TRIM9: variants seen among roughly 807,000 people sequenced by gnomAD.
TRIM9 encodes the protein tripartite motif containing 9, also known as E3 ubiquitin-protein ligase TRIM9.
Under a neutral mutation model 78.3 loss-of-function variants are expected in TRIM9, and 26 were observed. That is an observed-to-expected ratio of 0.33 (90% CI 0.24 to 0.46). The LOEUF is 0.46. TRIM9 is among the 20% of genes least tolerant of loss of function. The pLI, the probability that TRIM9 is intolerant of heterozygous loss-of-function variation, is 1.00. For missense variants in TRIM9, 787 were observed against 1,036.4 expected, an observed-to-expected ratio of 0.76 and a Z score of 3.30; for synonymous variants, 398 against 416.5, an observed-to-expected ratio of 0.96 and a Z score of 0.54.
intron 1 of TRIM9, among the ~76,000 whole-genome samples, chr14:51,072,048 C>G (rs1052447247): frequency 6.6e-6 from 1 of 152,130 alleles, no homozygotes; most frequent in Non-Finnish European, 1.5e-5. Flanking sequence ...CCTTCCTTCC[C>G]GGTGTTCTCT....
intron 1 of TRIM9, among the ~76,000 whole-genome samples, chr14:51,025,719 T>C (rs2058160427): frequency 6.6e-6 from 1 of 151,724 alleles, no homozygotes; most frequent in Non-Finnish European, 1.5e-5. Flanking sequence ...ATGATCTAAT[T>C]CTTATCAACG....
chr14:51,078,685 G>A (rs781199778), intron 1 of TRIM9, among the ~76,000 whole-genome samples: 8 of 152,114 alleles, frequency 5.3e-5, no homozygotes, highest in South Asian at 4.1e-4. Context: ...TATTACTTAC[G>A]TGGAATCTAA....
intron 1 of TRIM9, among the ~76,000 whole-genome samples, chr14:51,071,478 A>G (rs1414541876): frequency 6.6e-6 from 1 of 151,986 alleles, no homozygotes; most frequent in Non-Finnish European, 1.5e-5. Context: ...ATACCTGGGT[A>G]CCAGTTGCTC....
chr14:51,028,152 A>C (rs1449912807), intron 1 of TRIM9, among the ~76,000 whole-genome samples: 2 of 152,228 alleles, frequency 1.3e-5, no homozygotes, highest in Non-Finnish European at 2.9e-5. Flanking sequence ...CAAAGCAGTA[A>C]GTGAACTGCA....
chr14:51,071,255 A>G (rs1202949439), intron 1 of TRIM9, among the ~76,000 whole-genome samples: 1 of 151,894 alleles, frequency 6.6e-6, no homozygotes, highest in Non-Finnish European at 1.5e-5. Context: ...ACATGCCTGT[A>G]ATCCCAGCTA....
In TRIM9 at chr14:51,039,573, A is replaced by G. The variant is rs937343842; in HGVS notation, c.823-14213T>C. 2.6e-5 allele frequency among the ~76,000 whole-genome samples: 4 copies of G among 152,310 alleles called. No homozygotes were observed. In the South Asian group the frequency reaches 8.3e-4, roughly 32 times the overall value. On this transcript the variant is annotated intron_variant, in intron 1 of 12. Coordinates refer to ENST00000684578, the MANE Select transcript of TRIM9 (RefSeq NM_001387360.1). ...CTGTATTTAAATGAAGTTCAAGAAC[A>G]GTTTGATGGCGATGGAAGGAGGCAC...
intron 3 of TRIM9, among the ~76,000 whole-genome samples, chr14:51,012,381 T>G (rs2056684244): frequency 6.6e-6 from 1 of 152,254 alleles, no homozygotes; most frequent in Admixed American, 6.5e-5. Context: ...TCTTTGAGAT[T>G]CAACCATGTT....
At chr14:51,048,186 C>G (rs2060102354) in intron 1 of TRIM9, among the ~76,000 whole-genome samples, 1 of 152,190 alleles carries the variant, frequency 6.6e-6, no homozygotes, top group Non-Finnish European at 1.5e-5. Flanking sequence ...CAGGGTTAAA[C>G]AGTTTCCTAA....
At position 51,092,154 on chromosome 14, in the gene TRIM9, A is replaced by C. The variant is rs2140383858; in HGVS notation, c.822+1964T>G. ...AGTGAAATCAAAATATGAATAAAAA[A>C]CTAGCTGTGAACTCAAGTTTTGAAA... On this transcript the variant is annotated intron_variant, in intron 1 of 12. Coordinates refer to ENST00000684578, the MANE Select transcript of TRIM9 (RefSeq NM_001387360.1). Among the ~76,000 whole-genome samples the C allele has an allele frequency of 2.6e-5, 4 of 152,316 alleles. No individual in the cohort carries two copies. The Middle Eastern group carries it at 0.014, about 522-fold the overall frequency.
At chr14:51,054,701 G>A (rs917562659) in intron 1 of TRIM9, among the ~76,000 whole-genome samples, 3 of 152,196 alleles carry the variant, frequency 2.0e-5, no homozygotes, top group Non-Finnish European at 4.4e-5. Flanking sequence ...AGCCTCCGGA[G>A]TAGCTGGGAC....
chr14:51,002,054 A>G (rs1435494940), intron 5 of TRIM9, among the ~76,000 whole-genome samples: 1 of 152,176 alleles, frequency 6.6e-6, no homozygotes, highest in Non-Finnish European at 1.5e-5. Flanking sequence ...TTACTGAATA[A>G]TCCCAGTTCT....
chr14:51,062,737 G>T (rs1205745515), intron 1 of TRIM9, among the ~76,000 whole-genome samples: 8 of 152,190 alleles, frequency 5.3e-5, no homozygotes, highest in Non-Finnish European at 7.4e-5. Flanking sequence ...CACCTGAAAT[G>T]CTTGGCTAAT....
At chr14:50,989,152 C>A (rs1022035640) in intron 7 of TRIM9, among the ~76,000 whole-genome samples, 2 of 152,220 alleles carry the variant, frequency 1.3e-5, no homozygotes, top group Non-Finnish European at 2.9e-5. Flanking sequence ...CCAACCATTT[C>A]ACTATGTATG....
At chr14:51,017,398 C>A (rs900906243) in intron 3 of TRIM9, among the ~76,000 whole-genome samples, 30 of 152,186 alleles carry the variant, frequency 2.0e-4, no homozygotes, top group Non-Finnish European at 8.8e-5. Context: ...AGATTTTTAA[C>A]AGTAAAGCTG....
At position 50,977,036 on chromosome 14, in the gene TRIM9, G is replaced by A. The variant is rs996833252; in HGVS notation, c.*255C>T. On this transcript the variant is annotated 3_prime_UTR_variant, in exon 13 of 13. Transcript: ENST00000684578. Reference sequence around the variant, plus strand: ...CAAAATCTGGGAGTGGGAACCAAGTGACTTGGTGGGCTGTCTAGGTCCTTT... The same window carrying A: ...CAAAATCTGGGAGTGGGAACCAAGTAACTTGGTGGGCTGTCTAGGTCCTTT... The A allele has an allele frequency of 3.3e-4, 115 of 346,590 alleles. No individual in the cohort carries two copies. Among genetic ancestry groups the A allele is most frequent in the African/African-American group, 2.2e-3 (106 of 47,492 alleles). The allele number at this position is 346,590 out of a possible 1,614,324, so 21.5% of individuals were successfully genotyped here.
intron 1 of TRIM9, among the ~76,000 whole-genome samples, chr14:51,084,643 T>C (rs1420545081): frequency 6.6e-6 from 1 of 152,230 alleles, no homozygotes; most frequent in Non-Finnish European, 1.5e-5. Context: ...TGATTTTATG[T>C]GACTAATGCT....
intron 12 of TRIM9, chr14:50,979,101 G>A: frequency 2.2e-6 from 3 of 1,349,616 alleles, no homozygotes; most frequent in Non-Finnish European, 2.8e-6. Context: ...TCTATTTAGA[G>A]GTGAAACTAG....
At chr14:50,995,463 C>A (rs766011399) in intron 7 of TRIM9, among the ~76,000 whole-genome samples, 4 of 152,048 alleles carry the variant, frequency 2.6e-5, no homozygotes, top group East Asian at 1.9e-4. Context: ...AATTTGCTTT[C>A]GAAGAAAAAA....
intron 1 of TRIM9, chr14:51,091,318 G>T (rs1228205982): frequency 2.0e-5 from 3 of 152,174 alleles, no homozygotes; most frequent in Non-Finnish European, 4.4e-5. Context: ...GATGATTTAT[G>T]CCTGTGGGAA....
Sources: allele counts gnomAD v4.1 joint callset (sites outside exome capture counted in the v4.1 genomes callset), GRCh38; gene constraint gnomAD v4.1.1; transcripts MANE v1.5; gene names NCBI Gene and HGNC (gene_info 2026-07-23, HGNC 2026-07-21).